The following TRAPPC9 variants were observed in gnomAD, a reference collection of about 807,000 sequenced individuals.
The protein encoded by TRAPPC9 is trafficking protein particle complex subunit 9, also known as IKK2 binding protein.
A neutral mutation model predicts 124.0 loss-of-function variants in TRAPPC9; 83 were observed. The ratio of observed to expected loss-of-function variants is 0.67; its 90% CI spans 0.56 to 0.80. The LOEUF is 0.80. Among genes scored for constraint, TRAPPC9 ranks in the 30% least tolerant of loss-of-function variants. The pLI is 0.00. For missense variants in TRAPPC9, 1,302 were observed against 1,508.3 expected (o/e 0.86, Z 2.27); for synonymous variants, 638 against 617.5 (o/e 1.03, Z -0.49).
intron 17 of TRAPPC9, chr8:140,098,662 G>C (rs1251534506): frequency 1.3e-5 from 2 of 151,372 alleles, no homozygotes; most frequent in African/African-American, 2.4e-5. Flanking sequence ...GCATCCCCGC[G>C]ATGCACAAAG....
At chr8:139,990,548 G>A (rs1293210248) in intron 18 of TRAPPC9, among the ~76,000 whole-genome samples, 1 of 151,768 alleles carries the variant, frequency 6.6e-6, no homozygotes, top group East Asian at 1.9e-4. Flanking sequence ...GTGGGCGTGT[G>A]ACCTGCTCTC....
chr8:140,371,207 C>G, intron 7 of TRAPPC9, 27 bp from the exon 8 acceptor site: 1 of 1,579,318 alleles, frequency 6.3e-7, no homozygotes, highest in Non-Finnish European at 8.6e-7. Flanking sequence ...AAGTAAAAAG[C>G]TTTTGAAAGA....
intron 8 of TRAPPC9, among the ~76,000 whole-genome samples, chr8:140,361,359 T>A (rs1398784847): frequency 6.6e-6 from 1 of 152,146 alleles, no homozygotes; most frequent in Non-Finnish European, 1.5e-5. Context: ...TAGTGAGGGC[T>A]GATGGGGCTG....
intron 10 of TRAPPC9, among the ~76,000 whole-genome samples, chr8:140,305,205 CG>C (rs1162396532): frequency 6.6e-6 from 1 of 152,144 alleles, no homozygotes; most frequent in Non-Finnish European, 1.5e-5. Context: ...CCAGCCATTA[CG>C]TAGGACATTA....
intron 16 of TRAPPC9, among the ~76,000 whole-genome samples, chr8:140,243,811 C>T (rs2063917577): frequency 6.6e-6 from 1 of 152,238 alleles, no homozygotes; most frequent in South Asian, 2.1e-4. Flanking sequence ...ATAGGTACCA[C>T]AAAGATGGAC....
chr8:140,202,826 T>G (rs1337034232), intron 17 of TRAPPC9, among the ~76,000 whole-genome samples: 2 of 152,234 alleles, frequency 1.3e-5, no homozygotes, highest in Non-Finnish European at 1.5e-5. Context: ...ACTTCACCTA[T>G]GAAGTATTCT....
At chr8:140,350,329 T>C (rs948674349) in intron 9 of TRAPPC9, among the ~76,000 whole-genome samples, 2 of 152,166 alleles carry the variant, frequency 1.3e-5, no homozygotes, top group African/African-American at 4.8e-5. Context: ...CATGACAAGA[T>C]GAGTGACCTG....
intron 17 of TRAPPC9, among the ~76,000 whole-genome samples, chr8:140,027,958 G>C (rs773664693): frequency 6.6e-6 from 1 of 152,112 alleles, no homozygotes; most frequent in Non-Finnish European, 1.5e-5. Flanking sequence ...CCCTCGACAC[G>C]TGGGGATTAT....
intron 10 of TRAPPC9, among the ~76,000 whole-genome samples, chr8:140,305,115 C>T (rs981818010): frequency 1.9e-4 from 29 of 152,206 alleles, no homozygotes; most frequent in African/African-American, 6.8e-4. Context: ...TGATACATGC[C>T]TGTTCTTGAG....
At chr8:139,936,594 G>A (rs1376347043) in intron 19 of TRAPPC9, among the ~76,000 whole-genome samples, 3 of 152,214 alleles carry the variant, frequency 2.0e-5, no homozygotes, top group African/African-American at 7.2e-5. Flanking sequence ...ACTGAGAGCC[G>A]AAAGGTAAGT....
intron 21 of TRAPPC9, among the ~76,000 whole-genome samples, chr8:139,870,153 A>C (rs1828807572): frequency 1.3e-5 from 2 of 152,220 alleles, no homozygotes; most frequent in Admixed American, 1.3e-4. Context: ...ATATGAGAAA[A>C]GTGATTGGGA....
chr8:140,251,990 TG>T (rs1392663909), intron 16 of TRAPPC9, among the ~76,000 whole-genome samples: 3 of 152,134 alleles, frequency 2.0e-5, no homozygotes, highest in Admixed American at 1.3e-4. Context: ...TGCCTCCAAA[TG>T]AATGCTTCAT....
chr8:139,811,865 C>T (rs79164103), intron 21 of TRAPPC9, among the ~76,000 whole-genome samples: 3,707 of 152,242 alleles, frequency 0.024, 152 homozygotes, highest in East Asian at 0.13. Flanking sequence ...GCACTCTTTC[C>T]TGGAAAAGCA....
chr8:139,878,225 G>A (rs894597003), intron 21 of TRAPPC9, among the ~76,000 whole-genome samples: 2 of 152,200 alleles, frequency 1.3e-5, no homozygotes, highest in African/African-American at 4.8e-5. Flanking sequence ...TATAACATGG[G>A]AAATGCTTAT....
intron 17 of TRAPPC9, among the ~76,000 whole-genome samples, chr8:140,186,069 GA>G (rs1320106284): frequency 1.3e-5 from 2 of 152,182 alleles, no homozygotes; most frequent in Non-Finnish European, 2.9e-5. Context: ...AGTCTGTTAT[GA>G]AGCTCAAATA....
At chr8:140,192,214 A>C (rs2062510239) in intron 17 of TRAPPC9, among the ~76,000 whole-genome samples, 1 of 152,242 alleles carries the variant, frequency 6.6e-6, no homozygotes, top group South Asian at 2.1e-4. Flanking sequence ...AAGGCCAAGC[A>C]GGCTGAGTAA....
At chr8:139,842,481 C>G (rs1445335093) in intron 21 of TRAPPC9, among the ~76,000 whole-genome samples, 1 of 152,236 alleles carries the variant, frequency 6.6e-6, no homozygotes, top group South Asian at 2.1e-4. Context: ...TGGCTTCGAT[C>G]GCACAGACAT....
chr8:140,258,302 G>A (rs1041123979), intron 15 of TRAPPC9, among the ~76,000 whole-genome samples: 6 of 152,212 alleles, frequency 3.9e-5, no homozygotes, highest in Admixed American at 1.3e-4. Context: ...GCGTTCACAC[G>A]CTCCCTGGCA....
chr8:140,147,203 C>T (rs571465454), intron 17 of TRAPPC9, among the ~76,000 whole-genome samples: 11 of 152,360 alleles, frequency 7.2e-5, no homozygotes, highest in South Asian at 2.1e-4. Context: ...CTTCTTAGAA[C>T]GCACACGTTA....
Sources: gnomAD v4.1 joint callset for allele counts (sites outside exome capture counted in the v4.1 genomes callset) on GRCh38, gnomAD v4.1.1 for gene constraint, MANE v1.5 for transcripts, NCBI Gene and HGNC (gene_info 2026-07-23, HGNC 2026-07-21) for gene names.